Variants in USH2A observed in about 807,000 individuals in gnomAD.
The protein encoded by USH2A is usherin, also known as Usher syndrome 2A (autosomal recessive, mild).
A neutral mutation model predicts 538.9 loss-of-function variants in USH2A; 443 were observed. The ratio of observed to expected loss-of-function variants is 0.82; its 90% CI spans 0.76 to 0.89. USH2A has a LOEUF of 0.89. USH2A is among the 40% of genes least tolerant of loss of function. The pLI is 0.00. For missense variants in USH2A, 6,633 were observed against 6,324.8 expected, an observed-to-expected ratio of 1.05 and a Z score of -1.65; for synonymous variants, 2,413 against 2,273.5, an observed-to-expected ratio of 1.06 and a Z score of -1.75.
At chr1:216,322,604 C>CAAAAAAAAAAA (rs202180946) in intron 8 of USH2A, among the ~76,000 whole-genome samples, 1 of 72,720 alleles carries the variant, frequency 1.4e-5, no homozygotes, top group Non-Finnish European at 2.9e-5. Context: ...AAAAGCCTGT[C>CAAAAAAAAAAA]AAAAAAAAAA....
chr1:215,632,051 T>TTTTTGTTTTGTTTTG lies in USH2A; in HGVS notation c.15297+2393_15297+2407dup, dbSNP rs368845781. 3.0e-4 allele frequency among the ~76,000 whole-genome samples: 45 copies of TTTTTGTTTTGTTTTG among 152,136 alleles called. No individual in the cohort carries two copies. In the South Asian group the frequency reaches 8.7e-3, roughly 30 times the overall value. On this transcript the variant is annotated intron_variant, in intron 70 of 71. Coordinates refer to ENST00000307340, the MANE Select transcript of USH2A (RefSeq NM_206933.4). Reference sequence around the variant, plus strand: ...AATCTTGCTGTGCATCAGACTTCTTTTTTTGTTTTGTTTTGTTTTGTTTTG... The same window carrying TTTTTGTTTTGTTTTG: ...AATCTTGCTGTGCATCAGACTTCTTTTTTTGTTTTGTTTTGTTTTGTTTTGTTTTGTTTTGTTTTG...
intron 58 of USH2A, among the ~76,000 whole-genome samples, chr1:215,750,161 T>C (rs1451780187): frequency 6.6e-6 from 1 of 152,198 alleles, no homozygotes; most frequent in African/African-American, 2.4e-5. Context: ...GCACTTAACA[T>C]GGTGCTTTTA....
intron 52 of USH2A, 53 bp downstream of exon 52, chr1:215,786,617 C>T: frequency 6.3e-7 from 1 of 1,587,564 alleles, no homozygotes. Flanking sequence ...GCATTTTCAG[C>T]AGCTTCTCAC....
intron 9 of USH2A, among the ~76,000 whole-genome samples, chr1:216,311,638 G>C (rs2037421641): frequency 1.3e-5 from 2 of 152,088 alleles, no homozygotes; most frequent in South Asian, 4.1e-4. Context: ...TTTGGAACTG[G>C]AAGTCATGGG....
intron 61 of USH2A, among the ~76,000 whole-genome samples, chr1:215,722,691 T>G (rs1260552960): frequency 6.6e-6 from 1 of 152,178 alleles, no homozygotes; most frequent in Non-Finnish European, 1.5e-5. Flanking sequence ...AAGCCAATTT[T>G]TAGTGACCCA....
At chr1:216,241,767 C>T (rs1247889208) in intron 13 of USH2A, among the ~76,000 whole-genome samples, 3 of 152,092 alleles carry the variant, frequency 2.0e-5, no homozygotes, top group Non-Finnish European at 4.4e-5. Context: ...CTCTTGACCT[C>T]AGGTGATCCA....
chr1:216,196,521 T>A (rs774576958), intron 19 of USH2A, 32 bp downstream of exon 19: 1 of 1,612,432 alleles, frequency 6.2e-7, no homozygotes, highest in East Asian at 2.2e-5. Flanking sequence ...CTAAGCCAAT[T>A]CTGAAAGGAC....
intron 20 of USH2A, among the ~76,000 whole-genome samples, chr1:216,184,844 C>T (rs986800850): frequency 6.6e-6 from 1 of 151,948 alleles, no homozygotes; most frequent in African/African-American, 2.4e-5. Flanking sequence ...ACAGCCTATA[C>T]ATTTTACTTT....
At position 215,697,890 on chromosome 1, in the gene USH2A, C is replaced by T. The variant is rs556212460; in HGVS notation, c.12067-17514G>A. ...ATGTGCAGAACATGCAGGTTTGTTA[C>T]ATAGGTATACATGTGCCATGCTGGT... On this transcript the variant is annotated intron_variant, in intron 61 of 71. Transcript: ENST00000307340. Among the ~76,000 whole-genome samples the T allele has an allele frequency of 4.5e-4, 68 of 152,258 alleles. 2 individuals carry two copies. In the South Asian group the frequency reaches 0.013, roughly 30 times the overall value.
intron 21 of USH2A, among the ~76,000 whole-genome samples, chr1:216,113,666 T>A (rs2032930792): frequency 6.6e-6 from 1 of 152,018 alleles, no homozygotes; most frequent in African/African-American, 2.4e-5. Flanking sequence ...TTTCTTTGTC[T>A]GTCACTTGTT....
intron 21 of USH2A, among the ~76,000 whole-genome samples, chr1:216,113,143 A>G (rs1165457979): frequency 1.4e-5 from 2 of 141,200 alleles, no homozygotes; most frequent in Non-Finnish European, 3.0e-5. Flanking sequence ...ATGATAAAAA[A>G]AAAAAAAAAA....
intron 56 of USH2A, among the ~76,000 whole-genome samples, chr1:215,761,060 T>C (rs1330925276): frequency 6.6e-6 from 1 of 152,202 alleles, no homozygotes; most frequent in African/African-American, 2.4e-5. Flanking sequence ...TTTGCACCAT[T>C]CACAGAGCTG....
chr1:215,787,567 A>G (rs1571686992), intron 51 of USH2A, among the ~76,000 whole-genome samples: 1 of 152,184 alleles, frequency 6.6e-6, no homozygotes, highest in Admixed American at 6.5e-5. Flanking sequence ...ATCCCACACT[A>G]CAAGAGCTAT....
rs377706453 is a variant in USH2A, at chr1:215,852,012, C to G, written c.8846-5979G>C. Among the ~76,000 whole-genome samples, 39 of 152,188 alleles carry G rather than the reference C, an allele frequency of 2.6e-4. 1 individual carries two copies. In the South Asian group the frequency reaches 3.7e-3, roughly 15 times the overall value. On this transcript the variant is annotated intron_variant, in intron 44 of 71. Coordinates refer to ENST00000307340, the MANE Select transcript of USH2A (RefSeq NM_206933.4). ...ATCCCTTTATAATTAAAACCCTCAG[C>G]AAAATAGGCATAGAAAGGACATACT... is the stretch of plus-strand genomic sequence containing the variant.
rs141549439 is a variant in USH2A, at chr1:215,732,544, C to CTTTTTTTTTTTT, written c.11712-4172_11712-4161dup. ...TCTTTCTTATTCTCCTTTTTTCTTT[C>CTTTTTTTTTTTT]TTTTTTTTTTTTTTTTTTTTTTTTT... is the stretch of plus-strand genomic sequence containing the variant. On this transcript the variant is annotated intron_variant, in intron 60 of 71. Coordinates refer to ENST00000307340, the MANE Select transcript of USH2A (RefSeq NM_206933.4). 5.6e-3 allele frequency among the ~76,000 whole-genome samples: 411 copies of CTTTTTTTTTTTT among 73,630 alleles called. 3 individuals are homozygous for CTTTTTTTTTTTT. The highest frequency in any genetic ancestry group is 0.014 in the African/African-American group (231 of 16,344). 48.3% of individuals were successfully genotyped at this position (73,630 alleles called of 152,430 possible). A position where few individuals can be genotyped will look rare whatever the true frequency, so the allele number is the denominator to read the frequency against.
chr1:215,820,122 T>A (rs1183200474), intron 47 of USH2A, among the ~76,000 whole-genome samples: 15 of 148,800 alleles, frequency 1.0e-4, no homozygotes, highest in Admixed American at 1.0e-3. Context: ...TTTGAATGAA[T>A]TTTTTTTGGT....
At chr1:215,799,266 C>T in intron 49 of USH2A, 141 bp from the exon 50 acceptor site, 1 of 1,024,010 alleles carries the variant, frequency 9.8e-7, no homozygotes, top group Non-Finnish European at 1.4e-6. Flanking sequence ...ATTGGAGTTG[C>T]AAAATTTCCA....
At chr1:216,152,360 TGGCC>T (rs1040087099) in intron 21 of USH2A, among the ~76,000 whole-genome samples, 2 of 152,110 alleles carry the variant, frequency 1.3e-5, no homozygotes, top group Non-Finnish European at 2.9e-5. Context: ...GAAATGTAAA[TGGCC>T]GGTCCTTGCC....
intron 44 of USH2A, among the ~76,000 whole-genome samples, chr1:215,853,593 CT>C (rs1355287028): frequency 6.6e-6 from 1 of 152,190 alleles, no homozygotes. Flanking sequence ...ATTTTCTGAA[CT>C]TTTATGCTCT....
Sources: allele counts gnomAD v4.1 joint callset (sites outside exome capture counted in the v4.1 genomes callset), GRCh38; gene constraint gnomAD v4.1.1; transcripts MANE v1.5; gene names NCBI Gene and HGNC (gene_info 2026-07-23, HGNC 2026-07-21).